The following ZNG1B variants were observed in gnomAD, a reference collection of about 807,000 sequenced individuals.
The protein encoded by ZNG1B is zinc-regulated GTPase metalloprotein activator 1B.
the ZNG1B span, among the ~76,000 whole-genome samples, chr2:113,488,509 C>T: frequency 6.6e-6 from 1 of 151,414 alleles, no homozygotes; most frequent in African/African-American, 2.4e-5. Context: ...TGGATCCAAA[C>T]TAAGAAGAAA....
the ZNG1B span, among the ~76,000 whole-genome samples, chr2:113,475,246 G>T: frequency 6.7e-6 from 1 of 149,714 alleles, no homozygotes; most frequent in Non-Finnish European, 1.5e-5. Flanking sequence ...TTATGTAATG[G>T]CCTTCTTTGT....
the ZNG1B span, among the ~76,000 whole-genome samples, chr2:113,477,605 T>C: frequency 6.6e-6 from 1 of 152,316 alleles, no homozygotes; most frequent in East Asian, 1.9e-4. Flanking sequence ...ATCTTTTTGG[T>C]AAGGGAGGGA....
At chr2:113,455,728 T>G in the ZNG1B span, 1 of 514,080 alleles carries the variant, frequency 1.9e-6, no homozygotes, top group Non-Finnish European at 3.1e-6. Flanking sequence ...GTTAATTTTT[T>G]TTTTTTTTTT....
At chr2:113,460,782 G>A in the ZNG1B span, 6 of 1,567,540 alleles carry the variant, frequency 3.8e-6, no homozygotes, top group African/African-American at 1.4e-5. Context: ...TCACTAAGAT[G>A]AAAACCAAAA....
chr2:113,474,590 A>G, the ZNG1B span, among the ~76,000 whole-genome samples: 3 of 141,952 alleles, frequency 2.1e-5, no homozygotes, highest in African/African-American at 8.1e-5. Flanking sequence ...TAGGTTGTCA[A>G]TTTTGGATCT....
the ZNG1B span, chr2:113,454,700 A>G: frequency 4.5e-6 from 7 of 1,562,814 alleles, no homozygotes; most frequent in Non-Finnish European, 4.4e-6. Flanking sequence ...ATTAATAAAC[A>G]TTCTTTTTAA....
the ZNG1B span, among the ~76,000 whole-genome samples, chr2:113,477,736 A>G: frequency 6.6e-6 from 1 of 152,236 alleles, no homozygotes; most frequent in Non-Finnish European, 1.5e-5. Context: ...ATTGCTAACT[A>G]TAGGCATGAG....
At chr2:113,445,482 A>G in the ZNG1B span, 12 of 176,652 alleles carry the variant, frequency 6.8e-5, no homozygotes, top group Admixed American at 5.5e-4. Context: ...CCTATAACCT[A>G]TGCACATCCT....
At chr2:113,492,034 C>G in the ZNG1B span, among the ~76,000 whole-genome samples, 1 of 134,134 alleles carries the variant, frequency 7.5e-6, no homozygotes, top group Non-Finnish European at 1.6e-5. Flanking sequence ...TTCTACACTG[C>G]TGGTGGGAAT....
the ZNG1B span, among the ~76,000 whole-genome samples, chr2:113,448,711 T>C: frequency 6.6e-6 from 1 of 152,154 alleles, no homozygotes; most frequent in Non-Finnish European, 1.5e-5. Context: ...AAGACCAGCC[T>C]GGCCAACATA....
chr2:113,466,936 C>T, the ZNG1B span: 2 of 382,500 alleles, frequency 5.2e-6, no homozygotes, highest in Admixed American at 6.5e-5. Context: ...TGGTGGTGGG[C>T]GCCTGTAGTC....
chr2:113,451,914 T>A, the ZNG1B span, among the ~76,000 whole-genome samples: 2 of 151,826 alleles, frequency 1.3e-5, no homozygotes, highest in Non-Finnish European at 2.9e-5. Context: ...AGTGAAAAAA[T>A]TCATGCTTTT....
At chr2:113,465,156 A>G in the ZNG1B span, 1 of 581,026 alleles carries the variant, frequency 1.7e-6, no homozygotes, top group Non-Finnish European at 3.0e-6. Flanking sequence ...GACAAATCTT[A>G]GAAACACAAA....
chr2:113,439,345 G>A, the ZNG1B span, among the ~76,000 whole-genome samples: 1 of 151,168 alleles, frequency 6.6e-6, no homozygotes, highest in Non-Finnish European at 1.5e-5. Context: ...TCCATCTTTA[G>A]CTACACACCT....
the ZNG1B span, among the ~76,000 whole-genome samples, chr2:113,478,655 T>C: frequency 2.0e-5 from 3 of 151,490 alleles, no homozygotes; most frequent in Non-Finnish European, 4.4e-5. Flanking sequence ...TTTTTTTTTT[T>C]CCACCTTCAG....
the ZNG1B span, among the ~76,000 whole-genome samples, chr2:113,449,238 G>C: frequency 6.6e-6 from 1 of 152,034 alleles, no homozygotes; most frequent in Non-Finnish European, 1.5e-5. Context: ...CAGCAATAAG[G>C]CTGTTTCATT....
chr2:113,450,680 C>T, the ZNG1B span, among the ~76,000 whole-genome samples: 3 of 139,882 alleles, frequency 2.1e-5, no homozygotes, highest in Admixed American at 7.4e-5. Context: ...TTCTTTCTTG[C>T]TTTTTGTTCC....
chr2:113,438,923 T>C, the ZNG1B span: 14 of 1,533,804 alleles, frequency 9.1e-6, no homozygotes, highest in Non-Finnish European at 1.1e-5. Context: ...AATAACTGCT[T>C]TTGTTTTTTA....
chr2:113,472,479 G>C, the ZNG1B span, among the ~76,000 whole-genome samples: 8 of 151,800 alleles, frequency 5.3e-5, no homozygotes, highest in East Asian at 7.8e-4. Flanking sequence ...TGCAGAAGCT[G>C]TTTAGTTTAA....
Sources: allele counts gnomAD v4.1 joint callset (sites outside exome capture counted in the v4.1 genomes callset), GRCh38; gene constraint gnomAD v4.1.1; transcripts MANE v1.5; gene names NCBI Gene and HGNC (gene_info 2026-07-23, HGNC 2026-07-21).